The following TSC22D1 variants were observed in gnomAD, a reference collection of about 807,000 sequenced individuals.
TSC22D1 encodes TSC22 domain family protein 1.
In TSC22D1, 9 loss-of-function variants were observed where a neutral mutation model predicts 74.2. That is an observed-to-expected ratio of 0.12 (90% CI 0.07 to 0.21). TSC22D1 has a LOEUF of 0.21. TSC22D1 is among the 10% of genes least tolerant of loss of function. The pLI, the probability that TSC22D1 is intolerant of heterozygous loss-of-function variation, is 1.00. For missense variants in TSC22D1, 1,427 were observed against 1,304.7 expected (o/e 1.09, Z -1.44); for synonymous variants, 586 against 492.5 (o/e 1.19, Z -2.51).
intron 1 of TSC22D1, among the ~76,000 whole-genome samples, chr13:44,478,312 C>G (rs926154755): frequency 1.3e-5 from 2 of 151,996 alleles, no homozygotes; most frequent in African/African-American, 4.8e-5. Flanking sequence ...ATATTGAACT[C>G]CACACACTAA....
chr13:44,527,247 TA>T (rs1285952270), intron 1 of TSC22D1, among the ~76,000 whole-genome samples: 1 of 152,074 alleles, frequency 6.6e-6, no homozygotes, highest in African/African-American at 2.4e-5. Context: ...CATTAAAGAA[TA>T]AAAGATAAAA....
intron 1 of TSC22D1, among the ~76,000 whole-genome samples, chr13:44,473,489 CT>C (rs1306225039): frequency 6.6e-6 from 1 of 151,912 alleles, no homozygotes; most frequent in African/African-American, 2.4e-5. Flanking sequence ...AGCAAGACCC[CT>C]GACTCTAAAA....
intron 1 of TSC22D1, among the ~76,000 whole-genome samples, chr13:44,499,813 G>A (rs981273671): frequency 1.3e-5 from 2 of 152,116 alleles, no homozygotes; most frequent in Admixed American, 6.6e-5. Context: ...CTAGCCGGGT[G>A]CAGTGGCTCA....
chr13:44,533,135 T>C (rs1426627629), intron 1 of TSC22D1, among the ~76,000 whole-genome samples: 3 of 152,134 alleles, frequency 2.0e-5, no homozygotes, highest in Non-Finnish European at 4.4e-5. Flanking sequence ...AAAAATGGCA[T>C]GGGAGCGGGG....
chr13:44,446,354 G>A lies in TSC22D1; in HGVS notation c.2913-10259C>T, dbSNP rs950846489. Among the ~76,000 whole-genome samples the A allele has an allele frequency of 2.0e-5, 3 of 152,136 alleles. No individual in the cohort carries two copies. In the East Asian group the frequency reaches 5.8e-4, roughly 29 times the overall value. On this transcript the variant is annotated intron_variant, in intron 1 of 2. Coordinates refer to ENST00000458659, the MANE Select transcript of TSC22D1 (RefSeq NM_183422.4). Reference sequence around the variant, plus strand: ...CAGATCAGAAGTTCCCAGAAACTTGGGGTAGGGGAGGGAGGGGAGATTGTT... The same window carrying A: ...CAGATCAGAAGTTCCCAGAAACTTGAGGTAGGGGAGGGAGGGGAGATTGTT...
intron 1 of TSC22D1, among the ~76,000 whole-genome samples, chr13:44,485,388 G>A (rs573538056): frequency 6.6e-6 from 1 of 152,124 alleles, no homozygotes; most frequent in African/African-American, 2.4e-5. Flanking sequence ...GTCTTTAATT[G>A]TATAGCAATT....
At chr13:44,537,344 T>C (rs1881209998) in intron 1 of TSC22D1, 26 of 985,080 alleles carry the variant, frequency 2.6e-5, no homozygotes, top group Non-Finnish European at 3.0e-5. Flanking sequence ...ATAAATAGCT[T>C]GTAGTGGCAT....
chr13:44,568,367 T>C (rs1456731547), intron 1 of TSC22D1, among the ~76,000 whole-genome samples: 29 of 152,222 alleles, frequency 1.9e-4, no homozygotes, highest in Admixed American at 1.8e-3. Context: ...AAGAGGCATC[T>C]GATGAAAAGT....
At chr13:44,440,662 T>C (rs911786748) in intron 1 of TSC22D1, among the ~76,000 whole-genome samples, 1 of 147,166 alleles carries the variant, frequency 6.8e-6, no homozygotes, top group African/African-American at 2.5e-5. Flanking sequence ...CAAAATAGGA[T>C]GCATTTCTAT....
chr13:44,498,577 C>T (rs1390051866), intron 1 of TSC22D1, among the ~76,000 whole-genome samples: 1 of 152,026 alleles, frequency 6.6e-6, no homozygotes, highest in Non-Finnish European at 1.5e-5. Flanking sequence ...CTAGATAATC[C>T]CCCAGTAGAC....
chr13:44,576,252 G>C lies in TSC22D1; in HGVS notation c.-178C>G, dbSNP rs1884236908. The C allele has an allele frequency of 2.2e-6, 2 of 923,604 alleles. No homozygotes were observed. The highest frequency in any genetic ancestry group is 3.1e-6 in the Non-Finnish European group (2 of 638,512). 57.2% of individuals were successfully genotyped at this position (923,604 alleles called of 1,614,324 possible). Reference sequence around the variant, plus strand: ...CTCCTGCCTTCGAGAGCGAGCTTCGGAAAGGAGGATGAACGAGGGTGAACA... The same window carrying C: ...CTCCTGCCTTCGAGAGCGAGCTTCGCAAAGGAGGATGAACGAGGGTGAACA... On this transcript the variant is annotated 5_prime_UTR_variant, in exon 1 of 3. Coordinates refer to ENST00000458659, the MANE Select transcript of TSC22D1 (RefSeq NM_183422.4).
intron 1 of TSC22D1, among the ~76,000 whole-genome samples, chr13:44,550,369 G>A (rs1882151648): frequency 6.6e-6 from 1 of 151,982 alleles, no homozygotes; most frequent in African/African-American, 2.4e-5. Context: ...ATCACCTGAG[G>A]TCAGGAGTTC....
chr13:44,573,571 T>G lies in TSC22D1; in HGVS notation c.2504A>C (p.Gln835Pro). 2.5e-6 allele frequency: 4 copies of G among 1,614,218 alleles called. No individual in the cohort carries two copies. In the South Asian group the frequency reaches 4.4e-5, roughly 18 times the overall value. ...TCCAGAAGGACCAGTTGAACTAACC[T>G]GACTTGTAACAGAAATACTACTAGC... ...PSASSISVTS[Q>P]VSSTGPSGMP... Residue 835 changes from glutamine (Q) to proline (P), a missense_variant, in exon 1 of 3, where the codon CAG becomes CCG. Physicochemically the swap from Gln to Pro is moderately conservative, Grantham distance 76. Transcript: ENST00000458659.
chr13:44,532,753 G>A (rs1409369798), intron 1 of TSC22D1, among the ~76,000 whole-genome samples: 6 of 152,104 alleles, frequency 3.9e-5, no homozygotes, highest in Non-Finnish European at 5.9e-5. Flanking sequence ...GATTACAGGC[G>A]TGAGCCACCA....
chr13:44,545,162 C>G lies in TSC22D1; in HGVS notation c.2912+28001G>C, dbSNP rs550935971. On this transcript the variant is annotated intron_variant, in intron 1 of 2. Coordinates refer to ENST00000458659, the MANE Select transcript of TSC22D1 (RefSeq NM_183422.4). ...CCAGCCTGGCCAACATGGTAAAACC[C>G]ATCTCTAATAAAAAATACAAAAATC... 3.9e-5 allele frequency among the ~76,000 whole-genome samples: 6 copies of G among 152,036 alleles called. No individual in the cohort carries two copies. The South Asian group carries it at 1.2e-3, about 32-fold the overall frequency.
At chr13:44,489,565 C>A (rs1878606959) in intron 1 of TSC22D1, among the ~76,000 whole-genome samples, 1 of 151,382 alleles carries the variant, frequency 6.6e-6, no homozygotes, top group Non-Finnish European at 1.5e-5. Context: ...CTGGCTCATG[C>A]CTATAATTCC....
chr13:44,434,953 A>T (rs1874420154), intron 2 of TSC22D1, 70 bp from the exon 3 acceptor site: 2 of 1,292,274 alleles, frequency 1.5e-6, no homozygotes, highest in South Asian at 2.8e-5. Context: ...TTTCCAAGAC[A>T]TTATTTTACA....
chr13:44,434,652 A>T lies in TSC22D1; in HGVS notation c.3196T>A (p.Ser1066Thr). ...TATGCGGTTGGTCCTGAGCCCTGCG[A>T]TGCTGGCTGGGCGGGGGGCTGTGTG... ...GTTQPPAQPA[S>T]QGSGPTA The change falls in exon 3 of 3, where the codon TCG (serine) becomes ACG (threonine). Residue 1066 changes from serine to threonine, a missense_variant. Physicochemically the swap from Ser to Thr is moderately conservative, Grantham distance 58. Transcript: ENST00000458659. 1 of 1,585,964 alleles carries T rather than the reference A, an allele frequency of 6.3e-7. No homozygotes were observed. Among genetic ancestry groups the T allele is most frequent in the Non-Finnish European group, 8.6e-7 (1 of 1,167,938 alleles).
intron 1 of TSC22D1, among the ~76,000 whole-genome samples, chr13:44,476,522 G>A (rs1877920349): frequency 6.6e-6 from 1 of 152,122 alleles, no homozygotes; most frequent in Non-Finnish European, 1.5e-5. Context: ...TAAACTGCAT[G>A]ATCTGACACT....
Sources: gnomAD v4.1 joint callset for allele counts (sites outside exome capture counted in the v4.1 genomes callset) on GRCh38, gnomAD v4.1.1 for gene constraint, MANE v1.5 for transcripts, NCBI Gene and HGNC (gene_info 2026-07-23, HGNC 2026-07-21) for gene names.